Variants in ASNS observed in about 807,000 individuals in gnomAD.
The protein encoded by ASNS is asparagine synthetase (glutamine-hydrolyzing), also known as asparagine synthetase [glutamine-hydrolyzing].
In ASNS, 37 loss-of-function variants were observed where a neutral mutation model predicts 62.6. That is an observed-to-expected ratio of 0.59 (90% CI 0.45 to 0.78). The LOEUF (loss-of-function observed/expected upper bound fraction) is 0.78, where lower values mean the gene tolerates loss of function less well. Ranked by LOEUF, ASNS falls within the 30% of genes least tolerant of loss-of-function variation. ASNS has a pLI of 0.00. For synonymous variants in ASNS, 207 were observed against 237.9 expected, an observed-to-expected ratio of 0.87 and a Z score of 1.19; for missense variants, 520 against 682.4, an observed-to-expected ratio of 0.76 and a Z score of 2.65.
At chr7:97,869,622 T>TA (rs1433328730) in intron 2 of ASNS, among the ~76,000 whole-genome samples, 156 bp downstream of exon 2, 2 of 152,214 alleles carry the variant, frequency 1.3e-5, no homozygotes, top group African/African-American at 4.8e-5. Context: ...TCCAGATTAC[T>TA]AGAGTCTCCT....
chr7:97,903,692 C>T, the ASNS span, among the ~76,000 whole-genome samples: 1 of 152,204 alleles, frequency 6.6e-6, no homozygotes, highest in Non-Finnish European at 1.5e-5. Flanking sequence ...CATCTCAAAG[C>T]AGGCTCTACC....
At chr7:97,915,303 G>T in the ASNS span, among the ~76,000 whole-genome samples, 1 of 152,200 alleles carries the variant, frequency 6.6e-6, no homozygotes, top group East Asian at 1.9e-4. Context: ...TTAAGAGTGT[G>T]CACCCAGCGA....
intron 2 of ASNS, among the ~76,000 whole-genome samples, chr7:97,869,466 G>T (rs551470527): frequency 6.6e-6 from 1 of 152,236 alleles, no homozygotes; most frequent in African/African-American, 2.4e-5. Context: ...TGGTTGGCTA[G>T]AGCTGACAGC....
the ASNS span, among the ~76,000 whole-genome samples, chr7:97,879,073 T>C: frequency 6.6e-6 from 1 of 152,196 alleles, no homozygotes; most frequent in Non-Finnish European, 1.5e-5. Flanking sequence ...TAAATGGTGC[T>C]GGGAAAACTG....
At chr7:97,869,231 C>T in intron 2 of ASNS, 52 bp from the exon 3 acceptor site, 1 of 1,559,756 alleles carries the variant, frequency 6.4e-7, no homozygotes, top group South Asian at 1.2e-5. Flanking sequence ...CAATCCAACT[C>T]TGCATTAAAT....
chr7:97,904,284 T>TCACACACACA, the ASNS span, among the ~76,000 whole-genome samples: 1,909 of 134,770 alleles, frequency 0.014, 24 homozygotes, highest in African/African-American at 0.028. Context: ...ACTACCAGTT[T>TCACACACACA]CACACACACA....
the ASNS span, among the ~76,000 whole-genome samples, chr7:97,897,821 C>G: frequency 6.6e-6 from 1 of 152,140 alleles, no homozygotes; most frequent in African/African-American, 2.4e-5. Flanking sequence ...TACTGCAGCA[C>G]TATTTACAAT....
the ASNS span, among the ~76,000 whole-genome samples, chr7:97,881,092 C>T: frequency 3.3e-3 from 499 of 152,262 alleles, 1 homozygote; most frequent in Non-Finnish European, 5.0e-3. Context: ...AGGTGTGCAC[C>T]GCCACGCCTG....
intron 4 of ASNS, chr7:97,863,219 A>T (rs1488456616): frequency 6.6e-6 from 1 of 152,240 alleles, no homozygotes; most frequent in Non-Finnish European, 1.5e-5. Flanking sequence ...AGGGGTAAAT[A>T]ATGTCCTAAA....
intron 4 of ASNS, among the ~76,000 whole-genome samples, chr7:97,862,406 G>A (rs1271927565): frequency 6.6e-6 from 1 of 152,164 alleles, no homozygotes; most frequent in Non-Finnish European, 1.5e-5. Flanking sequence ...TCTGGGAAAG[G>A]CAAAGTGAGA....
the ASNS span, chr7:97,928,102 T>G: frequency 1.3e-6 from 2 of 1,528,722 alleles, no homozygotes; most frequent in South Asian, 2.4e-5. Flanking sequence ...TCGCCACCTG[T>G]CTGGGTGCCG....
At position 97,855,547 on chromosome 7, in the gene ASNS, G is replaced by A. The variant is rs1791395929; in HGVS notation, c.1031-88C>T. The A allele has an allele frequency of 1.7e-5, 15 of 903,502 alleles. 1 individual carries two copies. The South Asian group carries it at 2.2e-4, about 13-fold the overall frequency. 56.0% of individuals were successfully genotyped at this position (903,502 alleles called of 1,614,324 possible). A position where few individuals can be genotyped will look rare whatever the true frequency, so the allele number is the denominator to read the frequency against. On this transcript the variant is annotated intron_variant, in intron 8 of 12. Transcript: ENST00000394308. ...ATTTGATTTTTGGAAATAATTGAAA[G>A]CTTTACTACTATACTGGACTTCATA... is the stretch of plus-strand genomic sequence containing the variant.
the ASNS span, among the ~76,000 whole-genome samples, chr7:97,918,094 TG>T: frequency 2.6e-5 from 4 of 151,172 alleles, no homozygotes; most frequent in Non-Finnish European, 5.9e-5. Context: ...TAGCAGGGGC[TG>T]GGGGGACTGT....
At chr7:97,887,372 G>A in the ASNS span, among the ~76,000 whole-genome samples, 14 of 152,290 alleles carry the variant, frequency 9.2e-5, no homozygotes, top group East Asian at 2.5e-3. Flanking sequence ...AGAGGGTTGC[G>A]ATTGATTAAG....
chr7:97,893,335 A>G, the ASNS span, among the ~76,000 whole-genome samples: 160 of 152,410 alleles, frequency 1.0e-3, 3 homozygotes, highest in East Asian at 0.028. Context: ...AAAAGGATAT[A>G]CAAAATAACC....
At chr7:97,917,795 A>G in the ASNS span, among the ~76,000 whole-genome samples, 1 of 152,196 alleles carries the variant, frequency 6.6e-6, no homozygotes, top group Admixed American at 6.5e-5. Flanking sequence ...ACAGTCTAGC[A>G]ATGACAGTCA....
the ASNS span, among the ~76,000 whole-genome samples, chr7:97,920,104 T>C: frequency 6.6e-6 from 1 of 151,770 alleles, no homozygotes; most frequent in African/African-American, 2.4e-5. Flanking sequence ...ACCTTCTGGG[T>C]TCAAGCAATT....
At chr7:97,927,497 T>G in the ASNS span, among the ~76,000 whole-genome samples, 1 of 152,372 alleles carries the variant, frequency 6.6e-6, no homozygotes, top group South Asian at 2.1e-4. Flanking sequence ...AGAACCAGGA[T>G]GCAAACCCCA....
chr7:97,900,615 G>C, the ASNS span, among the ~76,000 whole-genome samples: 3 of 152,218 alleles, frequency 2.0e-5, no homozygotes, highest in Non-Finnish European at 2.9e-5. Context: ...CAAAGAGGGA[G>C]AGAGGCAGAA....
Sources: gnomAD v4.1 joint callset for allele counts (sites outside exome capture counted in the v4.1 genomes callset) on GRCh38, gnomAD v4.1.1 for gene constraint, MANE v1.5 for transcripts, NCBI Gene and HGNC (gene_info 2026-07-23, HGNC 2026-07-21) for gene names.